The following DGKI variants were observed in gnomAD, a reference collection of about 807,000 sequenced individuals.
DGKI encodes the protein diacylglycerol kinase iota.
Under a neutral mutation model 147.5 loss-of-function variants are expected in DGKI, and 55 were observed. That is an observed-to-expected ratio of 0.37 (90% CI 0.30 to 0.47). The LOEUF (loss-of-function observed/expected upper bound fraction) is 0.47, where lower values mean the gene tolerates loss of function less well. Among genes scored for constraint, DGKI ranks in the 20% least tolerant of loss-of-function variants. DGKI has a pLI of 1.00. For missense variants in DGKI, 1,007 were observed against 1,323.8 expected (o/e 0.76, Z 3.71); for synonymous variants, 469 against 477.1 (o/e 0.98, Z 0.22).
intron 18 of DGKI, among the ~76,000 whole-genome samples, chr7:137,571,570 T>C (rs3823545): frequency 0.038 from 5,859 of 152,342 alleles, 243 homozygotes; most frequent in South Asian, 0.1. Context: ...GTCTGTTTTC[T>C]ATGATATATC....
At chr7:137,440,253 T>C (rs965073887) in intron 28 of DGKI, among the ~76,000 whole-genome samples, 1 of 152,346 alleles carries the variant, frequency 6.6e-6, no homozygotes, top group Non-Finnish European at 1.5e-5. Flanking sequence ...ACATTAAAAC[T>C]TAATGTTTCC....
intron 28 of DGKI, among the ~76,000 whole-genome samples, chr7:137,443,089 C>T (rs931565405): frequency 2.0e-5 from 3 of 152,086 alleles, no homozygotes; most frequent in South Asian, 2.1e-4. Context: ...GATGTATTGT[C>T]ACATGGCTGG....
chr7:137,399,770 C>T (rs1428589624), intron 30 of DGKI, among the ~76,000 whole-genome samples: 3 of 151,962 alleles, frequency 2.0e-5, no homozygotes, highest in East Asian at 1.9e-4. Context: ...ATTAGCCCAG[C>T]GTGGTGGTGT....
chr7:137,444,594 G>C (rs369287821), intron 27 of DGKI, among the ~76,000 whole-genome samples: 3 of 152,220 alleles, frequency 2.0e-5, no homozygotes, highest in Non-Finnish European at 4.4e-5. Context: ...GGAATTTAAT[G>C]TTTGAGTGAG....
chr7:137,782,722 C>G (rs1345136736), intron 1 of DGKI, among the ~76,000 whole-genome samples: 1 of 152,204 alleles, frequency 6.6e-6, no homozygotes, highest in Admixed American at 6.5e-5. Flanking sequence ...CAACCAAGGA[C>G]CCTCACAGAG....
intron 1 of DGKI, among the ~76,000 whole-genome samples, chr7:137,712,807 G>C (rs1794254836): frequency 6.6e-6 from 1 of 152,214 alleles, no homozygotes; most frequent in African/African-American, 2.4e-5. Flanking sequence ...CTGTATGATA[G>C]ACAATTGAGA....
At chr7:137,841,816 T>C (rs1487087900) in intron 1 of DGKI, among the ~76,000 whole-genome samples, 2 of 152,204 alleles carry the variant, frequency 1.3e-5, no homozygotes, top group East Asian at 3.8e-4. Flanking sequence ...TCTAGTCTAA[T>C]TGAATTTGGC....
intron 32 of DGKI, among the ~76,000 whole-genome samples, chr7:137,392,598 C>T (rs905017137): frequency 6.6e-6 from 1 of 152,168 alleles, no homozygotes; most frequent in Non-Finnish European, 1.5e-5. Context: ...GTAACAATGG[C>T]TCTAGAATCT....
chr7:137,490,132 T>C (rs561834825), intron 21 of DGKI, among the ~76,000 whole-genome samples: 1 of 152,294 alleles, frequency 6.6e-6, no homozygotes, highest in African/African-American at 2.4e-5. Context: ...GGGCATTCTC[T>C]ACCACAATTT....
At chr7:137,817,158 T>C (rs1364293935) in intron 1 of DGKI, among the ~76,000 whole-genome samples, 3 of 152,210 alleles carry the variant, frequency 2.0e-5, no homozygotes, top group Non-Finnish European at 4.4e-5. Context: ...TACCTGTGCT[T>C]ATGCTGACCT....
intron 32 of DGKI, among the ~76,000 whole-genome samples, chr7:137,394,897 C>T (rs565997852): frequency 3.9e-5 from 6 of 152,238 alleles, no homozygotes; most frequent in East Asian, 1.9e-4. Flanking sequence ...CTGGGCTGGA[C>T]GTCAAAAGAG....
intron 31 of DGKI, 77 bp from the exon 32 acceptor site, chr7:137,395,774 A>AG (rs1253312423): frequency 1.5e-6 from 2 of 1,363,724 alleles, no homozygotes; most frequent in African/African-American, 2.8e-5. Flanking sequence ...GAGCTGATGT[A>AG]GGGTGCTCCT....
At position 137,818,430 on chromosome 7, in the gene DGKI, TTTTG is replaced by T. The variant is rs540113188; in HGVS notation, c.401+28028_401+28031del. On this transcript the variant is annotated intron_variant, in intron 1 of 32. Transcript: ENST00000614521. ...CACATATTCCCATCTCCCACAATTT[TTTTG>T]TTTGTTTCTTGAGACGGAGTTTTGC... Among the ~76,000 whole-genome samples, 25 of 152,244 alleles carry T rather than the reference TTTTG, an allele frequency of 1.6e-4. 1 individual carries two copies. The South Asian group carries it at 4.8e-3, about 29-fold the overall frequency.
At chr7:137,736,431 T>C (rs137865388) in intron 1 of DGKI, among the ~76,000 whole-genome samples, 75 of 152,256 alleles carry the variant, frequency 4.9e-4, no homozygotes, top group African/African-American at 1.8e-3. Context: ...AGCTCCTCTA[T>C]GGCTTATTTT....
intron 1 of DGKI, among the ~76,000 whole-genome samples, chr7:137,772,959 T>A (rs1393475340): frequency 6.6e-6 from 1 of 152,168 alleles, no homozygotes; most frequent in Non-Finnish European, 1.5e-5. Flanking sequence ...AGTGTCACAA[T>A]GGAATAAGCT....
intron 1 of DGKI, among the ~76,000 whole-genome samples, chr7:137,698,456 G>A (rs185972266): frequency 3.9e-5 from 6 of 152,240 alleles, no homozygotes; most frequent in African/African-American, 4.8e-5. Flanking sequence ...TCTGGAGCTG[G>A]ATTGCCCCAA....
intron 1 of DGKI, among the ~76,000 whole-genome samples, chr7:137,819,789 C>T (rs938923427): frequency 6.6e-6 from 1 of 152,222 alleles, no homozygotes; most frequent in African/African-American, 2.4e-5. Flanking sequence ...CCACAGCCTG[C>T]CAGTTCATCC....
chr7:137,692,378 T>G (rs574148369), intron 1 of DGKI, among the ~76,000 whole-genome samples: 1 of 152,284 alleles, frequency 6.6e-6, no homozygotes, highest in African/African-American at 2.4e-5. Flanking sequence ...AAGTGCAAAC[T>G]CTTAGAATGG....
intron 1 of DGKI, among the ~76,000 whole-genome samples, chr7:137,811,717 T>G (rs1797589823): frequency 6.6e-6 from 1 of 152,252 alleles, no homozygotes; most frequent in African/African-American, 2.4e-5. Context: ...ATAATTGAGC[T>G]CTGATTCCAT....
Sources: allele counts gnomAD v4.1 joint callset (sites outside exome capture counted in the v4.1 genomes callset), GRCh38; gene constraint gnomAD v4.1.1; transcripts MANE v1.5; gene names NCBI Gene and HGNC (gene_info 2026-07-23, HGNC 2026-07-21).